The following GTF2IRD1 variants were observed in gnomAD, a reference collection of about 807,000 sequenced individuals.
GTF2IRD1 encodes general transcription factor II-I repeat domain-containing protein 1.
Under a neutral mutation model 113.2 loss-of-function variants are expected in GTF2IRD1, and 26 were observed. That is an observed-to-expected ratio of 0.23 (90% confidence interval 0.17 to 0.32). The LOEUF (loss-of-function observed/expected upper bound fraction) is 0.32, where lower values mean the gene tolerates loss of function less well. GTF2IRD1 is among the 10% of genes least tolerant of loss of function. The pLI is 1.00. For synonymous variants in GTF2IRD1, 484 were observed against 529.1 expected, an observed-to-expected ratio of 0.91 and a Z score of 1.17; for missense variants, 864 against 1,280.8, an observed-to-expected ratio of 0.67 and a Z score of 4.97.
At chr7:74,518,063 T>A in intron 4 of GTF2IRD1, 76 bp from the exon 5 acceptor site, 2 of 1,081,628 alleles carry the variant, frequency 1.8e-6, no homozygotes, top group Admixed American at 5.8e-5. Context: ...CTGCCCCCAC[T>A]CTGGGGCACA....
intron 22 of GTF2IRD1, among the ~76,000 whole-genome samples, chr7:74,566,006 AACACAC>A (rs66556824): frequency 0.01 from 1,497 of 143,206 alleles, 15 homozygotes; most frequent in African/African-American, 0.036. Flanking sequence ...AAGACACACA[AACACAC>A]ACACACACAC....
rs376607848 is a variant in GTF2IRD1, at chr7:74,539,933, C to G, written c.1583C>G (p.Ser528Trp). The part of the protein sequence containing the change: ...MTDSMPGHLP[S>W]EDSGYGMEML... ...GACTCGATGCCTGGGCACCTGCCAT[C>G]GGAGGATTCTGGTTATGGGATGGAG... The change falls in exon 14 of 27, where the codon TCG (serine) becomes TGG (tryptophan). Residue 528 changes from serine (S) to tryptophan (W), a missense_variant. Ser to Trp is a radical substitution (Grantham distance 177). Coordinates refer to ENST00000424337, the MANE Select transcript of GTF2IRD1 (RefSeq NM_005685.4). The G allele has an allele frequency of 3.1e-6, 5 of 1,613,260 alleles. No homozygotes were observed. In the Admixed American group the frequency reaches 8.3e-5, roughly 27 times the overall value.
chr7:74,499,762 G>A (rs1554338955), intron 1 of GTF2IRD1, among the ~76,000 whole-genome samples: 1 of 152,026 alleles, frequency 6.6e-6, no homozygotes, highest in Admixed American at 6.6e-5. Context: ...ATACACCAAG[G>A]AATGAATGAG....
intron 13 of GTF2IRD1, among the ~76,000 whole-genome samples, chr7:74,539,420 C>T (rs1798495061): frequency 6.6e-6 from 1 of 152,100 alleles, no homozygotes; most frequent in African/African-American, 2.4e-5. Flanking sequence ...TGCACTCCAG[C>T]CTGGGCAACA....
intron 12 of GTF2IRD1, 45 bp from the exon 13 acceptor site, chr7:74,538,635 G>C: frequency 9.3e-7 from 1 of 1,075,270 alleles, no homozygotes; most frequent in Non-Finnish European, 1.5e-6. Flanking sequence ...CTGCCCAGTC[G>C]GGATCATGCC....
chr7:74,514,279 C>G (rs1796792764), intron 3 of GTF2IRD1, among the ~76,000 whole-genome samples: 1 of 152,126 alleles, frequency 6.6e-6, no homozygotes, highest in Non-Finnish European at 1.5e-5. Context: ...CCTAGCATTA[C>G]TGGGGTGCAG....
chr7:74,478,767 A>G lies in GTF2IRD1; in HGVS notation c.-7+24591A>G, dbSNP rs1248897641. On this transcript the variant is annotated intron_variant, in intron 1 of 26. Transcript: ENST00000424337. ...CACCAGCCCCACCTTTTTTTTTGAGATAGGGTCTTGCTGTATTGTCCAGGC... is the reference window on the plus strand; with the variant it reads ...CACCAGCCCCACCTTTTTTTTTGAGGTAGGGTCTTGCTGTATTGTCCAGGC... Among the ~76,000 whole-genome samples, 4 of 149,976 alleles carry G rather than the reference A, an allele frequency of 2.7e-5. No individual in the cohort carries two copies. In the South Asian group the frequency reaches 8.4e-4, roughly 32 times the overall value.
At chr7:74,479,206 C>T (rs566473214) in intron 1 of GTF2IRD1, among the ~76,000 whole-genome samples, 4 of 152,308 alleles carry the variant, frequency 2.6e-5, no homozygotes, top group Non-Finnish European at 4.4e-5. Context: ...TCACTGCCCA[C>T]GTCTCACCCC....
chr7:74,496,346 ATG>A lies in GTF2IRD1; in HGVS notation c.-6-11720_-6-11719del, dbSNP rs781937472. Among the ~76,000 whole-genome samples the A allele has an allele frequency of 1.5e-3, 126 of 84,246 alleles. 1 individual carries two copies. Among genetic ancestry groups the A allele is most frequent in the South Asian group, 9.9e-3 (27 of 2,724 alleles). The allele number at this position is 84,246 out of a possible 152,430, so 55.3% of individuals were successfully genotyped here. A position where few individuals can be genotyped will look rare whatever the true frequency, so the allele number is the denominator to read the frequency against. On this transcript the variant is annotated intron_variant, in intron 1 of 26. Coordinates refer to ENST00000424337, the MANE Select transcript of GTF2IRD1 (RefSeq NM_005685.4). The stretch of plus-strand genomic sequence containing the variant: ...TGCATGGGGGTGTGCATGTATGTGC[ATG>A]TGTGTGTGGGTGCATGTGTGTGTGC...
chr7:74,549,517 A>G (rs1799165648), intron 17 of GTF2IRD1, among the ~76,000 whole-genome samples: 1 of 152,190 alleles, frequency 6.6e-6, no homozygotes, highest in Admixed American at 6.6e-5. Context: ...ATGACACACA[A>G]AGAGCAGATA....
At chr7:74,572,661 CCT>C (rs1554362958) in intron 22 of GTF2IRD1, 2 of 424,494 alleles carry the variant, frequency 4.7e-6, no homozygotes, top group East Asian at 3.2e-4. Flanking sequence ...CCCCTGCCTC[CCT>C]CTCTCAGCCT....
chr7:74,484,340 A>T (rs1794901781), intron 1 of GTF2IRD1, among the ~76,000 whole-genome samples: 1 of 151,826 alleles, frequency 6.6e-6, no homozygotes, highest in African/African-American at 2.4e-5. Context: ...GGAGTGCAGT[A>T]GTGTGACCTC....
intron 17 of GTF2IRD1, among the ~76,000 whole-genome samples, chr7:74,551,722 G>A (rs1390364721): frequency 9.2e-5 from 14 of 152,068 alleles, no homozygotes; most frequent in African/African-American, 3.1e-4. Flanking sequence ...CAGATCACGA[G>A]GTCAAGAGTT....
chr7:74,572,643 C>T (rs1800761274), intron 22 of GTF2IRD1: 2 of 617,700 alleles, frequency 3.2e-6, no homozygotes, highest in South Asian at 7.1e-5. Flanking sequence ...CAGGCACACA[C>T]CCTCTGGCCC....
At chr7:74,511,845 A>G (rs1347853811) in intron 2 of GTF2IRD1, among the ~76,000 whole-genome samples, 2 of 152,146 alleles carry the variant, frequency 1.3e-5, no homozygotes, top group East Asian at 3.9e-4. Context: ...CAGAGACCTG[A>G]GATGCTGGTG....
intron 22 of GTF2IRD1, among the ~76,000 whole-genome samples, chr7:74,574,485 G>GTC (rs1358861381): frequency 2.1e-5 from 3 of 145,086 alleles, no homozygotes; most frequent in Non-Finnish European, 4.5e-5. Flanking sequence ...TTAAGGCAGG[G>GTC]TCTCTCTCTG....
intron 25 of GTF2IRD1, among the ~76,000 whole-genome samples, chr7:74,597,654 C>T (rs185390627): frequency 5.3e-4 from 81 of 152,082 alleles, no homozygotes; most frequent in African/African-American, 1.9e-3. Context: ...GCCGAGACCC[C>T]GTCTCCTAAG....
At chr7:74,519,844 C>T (rs1468449617) in intron 6 of GTF2IRD1, 125 bp downstream of exon 6, 5 of 668,174 alleles carry the variant, frequency 7.5e-6, no homozygotes, top group Non-Finnish European at 1.3e-5. Flanking sequence ...CATGTCTGGG[C>T]ATGGGAGTGG....
intron 4 of GTF2IRD1, among the ~76,000 whole-genome samples, chr7:74,516,179 G>C (rs2253749): frequency 0.28 from 42,279 of 152,122 alleles, 6,939 homozygotes; most frequent in East Asian, 0.45. Context: ...TTCCCCTCCT[G>C]TGTCTGGCAG....
Sources: allele counts gnomAD v4.1 joint callset (sites outside exome capture counted in the v4.1 genomes callset), GRCh38; gene constraint gnomAD v4.1.1; transcripts MANE v1.5; gene names NCBI Gene and HGNC (gene_info 2026-07-23, HGNC 2026-07-21).